NDUFAF6: variants seen among roughly 807,000 people sequenced by gnomAD.
NDUFAF6 encodes NADH dehydrogenase (ubiquinone) complex I, assembly factor 6.
NDUFAF6 carries 45 observed loss-of-function variants against 40.8 expected under a neutral mutation model. The observed-to-expected ratio is 1.10, with a 90% CI of 0.87 to 1.42. The LOEUF (loss-of-function observed/expected upper bound fraction) is 1.42. Among genes scored for constraint, NDUFAF6 ranks in the 40% most tolerant of loss-of-function variants. The pLI, the probability that NDUFAF6 is intolerant of heterozygous loss-of-function variation, is 0.00. For synonymous variants in NDUFAF6, 185 were observed against 155.9 expected, an observed-to-expected ratio of 1.19 and a Z score of -1.39; for missense variants, 435 against 418.5, an observed-to-expected ratio of 1.04 and a Z score of -0.34.
chr8:94,917,217 C>A (rs1431490550), intron 1 of NDUFAF6, among the ~76,000 whole-genome samples: 1 of 151,972 alleles, frequency 6.6e-6, no homozygotes, highest in African/African-American at 2.4e-5. Flanking sequence ...AAAAAGTAAC[C>A]TTACTTCAAT....
intron 2 of NDUFAF6, among the ~76,000 whole-genome samples, chr8:94,994,849 A>AGT (rs1352114577): frequency 1.3e-5 from 2 of 152,138 alleles, no homozygotes; most frequent in African/African-American, 4.8e-5. Flanking sequence ...AACCAAACCA[A>AGT]ACAAGACAAG....
At chr8:94,966,102 G>A (rs1823994457) in intron 1 of NDUFAF6, among the ~76,000 whole-genome samples, 1 of 152,140 alleles carries the variant, frequency 6.6e-6, no homozygotes, top group Admixed American at 6.5e-5. Flanking sequence ...AAGACTCTGA[G>A]TCTGGAGCTT....
chr8:95,026,614 T>C (rs2131727251), intron 1 of NDUFAF6, among the ~76,000 whole-genome samples: 1 of 152,362 alleles, frequency 6.6e-6, no homozygotes, highest in South Asian at 2.1e-4. Context: ...TATTTTTATA[T>C]ATTTAAGTTG....
At chr8:95,012,814 ACT>A (rs1301447057) in intron 2 of NDUFAF6, among the ~76,000 whole-genome samples, 1 of 150,000 alleles carries the variant, frequency 6.7e-6, no homozygotes, top group Non-Finnish European at 1.5e-5. Flanking sequence ...ACAGAGTAAG[ACT>A]CTGTCTCAAA....
intron 2 of NDUFAF6, among the ~76,000 whole-genome samples, chr8:95,082,184 G>A (rs1337655074): frequency 6.6e-6 from 1 of 150,856 alleles, no homozygotes; most frequent in Non-Finnish European, 1.5e-5. Context: ...GTGGAAACCA[G>A]AAAAGAATTA....
chr8:94,948,302 A>G (rs1029330907), intron 2 of NDUFAF6, among the ~76,000 whole-genome samples: 3 of 152,112 alleles, frequency 2.0e-5, no homozygotes, highest in Admixed American at 6.5e-5. Context: ...CGGGTTTCCT[A>G]TGTGTAAGAT....
At chr8:94,985,201 G>A (rs1204637827) in intron 2 of NDUFAF6, among the ~76,000 whole-genome samples, 1 of 151,746 alleles carries the variant, frequency 6.6e-6, no homozygotes, top group African/African-American at 2.4e-5. Flanking sequence ...ATAGCTGTGT[G>A]ACACTGTGAG....
chr8:94,928,584 AG>A (rs941245766), intron 1 of NDUFAF6: 6 of 152,482 alleles, frequency 3.9e-5, no homozygotes, highest in African/African-American at 9.6e-5. Flanking sequence ...AAATAAATAA[AG>A]GGGAAGTCAA....
downstream of NDUFAF6, among the ~76,000 whole-genome samples, chr8:95,059,260 A>G (rs994324890): frequency 6.6e-6 from 1 of 152,132 alleles, no homozygotes; most frequent in African/African-American, 2.4e-5. Context: ...TCAGCTATGA[A>G]TTAGTGCCTA....
downstream of NDUFAF6, chr8:95,078,662 A>AAAAATATATATATATATATATATATATAT (rs545018367): frequency 8.3e-6 from 1 of 121,050 alleles, no homozygotes; most frequent in African/African-American, 3.3e-5. Flanking sequence ...AAAAAAAAAA[A>AAAAATATATATATATATATATATATATAT]ATATATATAT....
At chr8:95,082,470 A>C (rs1172928813) in intron 2 of NDUFAF6, among the ~76,000 whole-genome samples, 1 of 152,034 alleles carries the variant, frequency 6.6e-6, no homozygotes, top group Non-Finnish European at 1.5e-5. Context: ...CCTTCTGTTC[A>C]GAATCACTCG....
At position 95,039,462 on chromosome 8, in the gene NDUFAF6, A is replaced by G. The variant is rs900837111; in HGVS notation, c.421-2108A>G. ...GCGAGACTCTGTCTCAAAAAAAAAAAAGGGGGGGTTTCACTGTGTTGCCCA... is the reference window on the plus strand; with the variant it reads ...GCGAGACTCTGTCTCAAAAAAAAAAGAGGGGGGGTTTCACTGTGTTGCCCA... On this transcript the variant is annotated intron_variant, in intron 3 of 8. Transcript: ENST00000396124. Among the ~76,000 whole-genome samples the G allele has an allele frequency of 4.2e-4, 62 of 148,412 alleles. 2 individuals carry two copies. The East Asian group carries it at 9.9e-3, about 24-fold the overall frequency.
chr8:95,074,332 C>G (rs1409846753), intron 9 of NDUFAF6, among the ~76,000 whole-genome samples: 1 of 152,054 alleles, frequency 6.6e-6, no homozygotes, highest in Non-Finnish European at 1.5e-5. Flanking sequence ...CCTGGGAGTC[C>G]TTTTCGTTAC....
intron 2 of NDUFAF6, among the ~76,000 whole-genome samples, chr8:94,948,306 G>A (rs955048619): frequency 1.3e-5 from 2 of 152,148 alleles, no homozygotes; most frequent in Admixed American, 1.3e-4. Flanking sequence ...TTTCCTATGT[G>A]TAAGATAGCC....
chr8:95,070,213 C>T (rs531671181), intron 9 of NDUFAF6, among the ~76,000 whole-genome samples: 29 of 152,278 alleles, frequency 1.9e-4, no homozygotes, highest in Middle Eastern at 6.8e-3. Flanking sequence ...CAAGTTATTA[C>T]ATTTAACCTC....
chr8:94,933,335 A>G (rs1044803055), intron 1 of NDUFAF6, among the ~76,000 whole-genome samples: 2 of 152,258 alleles, frequency 1.3e-5, no homozygotes, highest in African/African-American at 4.8e-5. Context: ...AGATATAAAA[A>G]CAACATTCTC....
At position 95,085,145 on chromosome 8, in the gene NDUFAF6, G is replaced by C. The variant is rs141776418; in HGVS notation, n.213+9393G>C. Among the ~76,000 whole-genome samples, 229 of 152,234 alleles carry C rather than the reference G, an allele frequency of 1.5e-3. 4 individuals carry two copies. Among genetic ancestry groups the C allele is most frequent in the African/African-American group, 5.2e-3 (218 of 41,532 alleles). On this transcript the variant is annotated intron_variant and non_coding_transcript_variant, in intron 2 of 5. Transcript: ENST00000523184. ...ATATTGGACAGGGATTTGTTATCTT[G>C]GTAATCAATGCCTGCTTCAAGGATA... is the stretch of plus-strand genomic sequence containing the variant.
chr8:95,069,738 C>T (rs1832790134), intron 9 of NDUFAF6, among the ~76,000 whole-genome samples: 1 of 146,972 alleles, frequency 6.8e-6, no homozygotes, highest in Non-Finnish European at 1.5e-5. Context: ...TGAGACCATG[C>T]CATTGCACTC....
At chr8:95,086,884 T>G (rs890404549) in intron 2 of NDUFAF6, among the ~76,000 whole-genome samples, 18 of 152,088 alleles carry the variant, frequency 1.2e-4, no homozygotes, top group Non-Finnish European at 2.2e-4. Context: ...ATTACAGGCG[T>G]GAGCCACCGC....
Sources: gnomAD v4.1 joint callset for allele counts (sites outside exome capture counted in the v4.1 genomes callset) on GRCh38, gnomAD v4.1.1 for gene constraint, MANE v1.5 for transcripts, NCBI Gene and HGNC (gene_info 2026-07-23, HGNC 2026-07-21) for gene names.